BTG4: variants seen among roughly 807,000 people sequenced by gnomAD.
The protein encoded by BTG4 is protein BTG4.
Under a neutral mutation model 19.3 loss-of-function variants are expected in BTG4, and 10 were observed. The observed-to-expected ratio is 0.52, with a 90% CI of 0.32 to 0.88. The LOEUF is 0.88. Among genes scored for constraint, BTG4 ranks in the 40% least tolerant of loss-of-function variants. The pLI is 0.04. For synonymous variants in BTG4, 91 were observed against 95.7 expected (o/e 0.95, Z 0.29); for missense variants, 238 against 281.9 (o/e 0.84, Z 1.11).
chr11:111,442,455 C>G, the BTG4 span, among the ~76,000 whole-genome samples: 1 of 149,664 alleles, frequency 6.7e-6, no homozygotes, highest in African/African-American at 2.5e-5. Context: ...GAGCCAAGAT[C>G]GAGTCACTGC....
intron 5 of BTG4, among the ~76,000 whole-genome samples, chr11:111,471,494 C>T (rs1864059872): frequency 6.6e-6 from 1 of 152,062 alleles, no homozygotes; most frequent in Non-Finnish European, 1.5e-5. Context: ...ATATTTTTTT[C>T]ATTTGGCTCC....
chr11:111,393,405 A>C, the BTG4 span, among the ~76,000 whole-genome samples: 1 of 152,168 alleles, frequency 6.6e-6, no homozygotes, highest in Non-Finnish European at 1.5e-5. Context: ...GCAGCACCTG[A>C]CTATGGTGCA....
chr11:111,497,064 T>C, intron 4 of BTG4, 147 bp downstream of exon 4: 2 of 708,866 alleles, frequency 2.8e-6, no homozygotes, highest in Non-Finnish European at 4.4e-6. Flanking sequence ...ACAGAAAAAG[T>C]TTTGCCAAAA....
chr11:111,392,341 C>T, the BTG4 span, among the ~76,000 whole-genome samples: 1 of 151,932 alleles, frequency 6.6e-6, no homozygotes, highest in African/African-American at 2.4e-5. Context: ...CCATGCCCAG[C>T]TAATTTTTTG....
the BTG4 span, among the ~76,000 whole-genome samples, chr11:111,429,445 C>T: frequency 6.6e-6 from 1 of 152,116 alleles, no homozygotes; most frequent in East Asian, 1.9e-4. Flanking sequence ...AGGCTGATTC[C>T]AAAATGAGAC....
the BTG4 span, among the ~76,000 whole-genome samples, chr11:111,394,036 A>G: frequency 6.6e-6 from 1 of 152,278 alleles, no homozygotes; most frequent in African/African-American, 2.4e-5. Flanking sequence ...CCAGGCTGTT[A>G]CAAGGATCAA....
chr11:111,475,180 T>C (rs1016897606), intron 5 of BTG4: 1 of 152,614 alleles, frequency 6.6e-6, no homozygotes. Context: ...CTGATGAAGC[T>C]GATAAGAATT....
At chr11:111,474,514 T>C (rs1376633676) in intron 5 of BTG4, among the ~76,000 whole-genome samples, 1 of 152,200 alleles carries the variant, frequency 6.6e-6, no homozygotes, top group Non-Finnish European at 1.5e-5. Context: ...TTGTAGTTTG[T>C]TCATTCTCTT....
the BTG4 span, among the ~76,000 whole-genome samples, chr11:111,389,333 C>T: frequency 0.98 from 149,887 of 152,356 alleles, 73,783 homozygotes; most frequent in Middle Eastern, 1. Context: ...AAAGAGATAA[C>T]GACAACTCAA....
chr11:111,444,481 G>A, the BTG4 span, among the ~76,000 whole-genome samples: 1 of 151,944 alleles, frequency 6.6e-6, no homozygotes, highest in Non-Finnish European at 1.5e-5. Context: ...AGGGAAGGTG[G>A]GGATGGTTAA....
intron 3 of BTG4, among the ~76,000 whole-genome samples, 179 bp from the exon 4 acceptor site, chr11:111,497,588 T>G (rs1865813963): frequency 6.6e-6 from 1 of 152,206 alleles, no homozygotes; most frequent in Non-Finnish European, 1.5e-5. Context: ...AAGAGCTATT[T>G]TGGTTAATTG....
chr11:111,407,106 T>A, the BTG4 span, among the ~76,000 whole-genome samples: 5 of 150,538 alleles, frequency 3.3e-5, no homozygotes, highest in South Asian at 8.3e-4. Flanking sequence ...ATAAAAGTTA[T>A]TCCTATTATT....
At chr11:111,470,214 C>T (rs1863979206) in intron 5 of BTG4, among the ~76,000 whole-genome samples, 3 of 152,114 alleles carry the variant, frequency 2.0e-5, no homozygotes, top group African/African-American at 7.2e-5. Context: ...TCCCATCTCA[C>T]CCTTCCAAAC....
At chr11:111,460,813 C>T in the BTG4 span, among the ~76,000 whole-genome samples, 1 of 152,174 alleles carries the variant, frequency 6.6e-6, no homozygotes, top group Admixed American at 6.5e-5. Flanking sequence ...ACATAAGTTA[C>T]TCATACAATT....
At chr11:111,434,155 G>A in the BTG4 span, among the ~76,000 whole-genome samples, 2 of 152,184 alleles carry the variant, frequency 1.3e-5, no homozygotes, top group Non-Finnish European at 2.9e-5. Flanking sequence ...CAACCCAAAT[G>A]TCCATCAATG....
At chr11:111,511,825 C>A (rs899285316) in intron 1 of BTG4, among the ~76,000 whole-genome samples, 2 of 152,216 alleles carry the variant, frequency 1.3e-5, no homozygotes, top group African/African-American at 4.8e-5. Flanking sequence ...CCTCTGGGAA[C>A]CTTCTTTGAC....
chr11:111,430,906 C>A, the BTG4 span, among the ~76,000 whole-genome samples: 1 of 152,164 alleles, frequency 6.6e-6, no homozygotes, highest in Admixed American at 6.5e-5. Flanking sequence ...ACATACGGAG[C>A]TAATATTGCC....
chr11:111,403,717 A>ATTTGAAT, the BTG4 span, among the ~76,000 whole-genome samples: 1 of 152,310 alleles, frequency 6.6e-6, no homozygotes, highest in South Asian at 2.1e-4. Context: ...ATTAACCAAC[A>ATTTGAAT]AGTCATTTGA....
intron 5 of BTG4, among the ~76,000 whole-genome samples, chr11:111,481,898 C>T (rs1231181244): frequency 6.6e-6 from 1 of 151,154 alleles, no homozygotes; most frequent in Admixed American, 6.6e-5. Context: ...TTGCTTTCTC[C>T]CAAAAAAAGG....
Sources: allele counts gnomAD v4.1 joint callset (sites outside exome capture counted in the v4.1 genomes callset), GRCh38; gene constraint gnomAD v4.1.1; transcripts MANE v1.5; gene names NCBI Gene and HGNC (gene_info 2026-07-23, HGNC 2026-07-21).